NFE2L3: variants seen among roughly 807,000 people sequenced by gnomAD.
NFE2L3 encodes NFE2 like bZIP transcription factor 3.
A neutral mutation model predicts 23.5 loss-of-function variants in NFE2L3; 18 were observed. The ratio of observed to expected loss-of-function variants is 0.77; its 90% CI spans 0.53 to 1.13. The LOEUF is 1.13. NFE2L3 is among the 50% of genes most tolerant of loss of function. NFE2L3 has a pLI of 0.00. For missense variants in NFE2L3, 1,152 were observed against 877.2 expected (o/e 1.31, Z -3.96); for synonymous variants, 424 against 354.5 (o/e 1.20, Z -2.20).
Position 26,185,153 on chromosome 7 carries a change from C to T in NFE2L3, c.1455C>T (p.Phe485=). 6.2e-7 allele frequency: 1 copy of T among 1,613,842 alleles called. No individual in the cohort carries two copies. The highest frequency in any genetic ancestry group is 1.1e-5 in the South Asian group (1 of 91,060). Residue 485 remains phenylalanine (F), a synonymous_variant, in exon 4 of 4, where the codon TTC becomes TTT. Coordinates refer to ENST00000056233, the MANE Select transcript of NFE2L3 (RefSeq NM_004289.7). ...LCHLDQSDSD[F]HGDLTFQHVF... ...ACTTGGATCAAAGTGATTCTGATTT[C>T]CATGGAGATCTTACATTTCAACACG...
chr7:26,183,678 G>A (rs779515674), intron 2 of NFE2L3, 23 bp from the exon 3 acceptor site: 5 of 1,468,438 alleles, frequency 3.4e-6, no homozygotes, highest in Non-Finnish European at 3.8e-6. Flanking sequence ...TGTGAAAGAT[G>A]CACTTTTTGT....
intron 1 of NFE2L3, chr7:26,174,156 A>T (rs1224084850): frequency 6.6e-6 from 1 of 152,226 alleles, no homozygotes; most frequent in Non-Finnish European, 1.5e-5. Flanking sequence ...CAAGGGGATG[A>T]AGAATCAGCA....
intron 1 of NFE2L3, among the ~76,000 whole-genome samples, chr7:26,165,619 C>T (rs1429031864): frequency 6.6e-6 from 1 of 152,132 alleles, no homozygotes; most frequent in Admixed American, 6.5e-5. Context: ...TTCCTCTTTT[C>T]CTAATTGAAT....
intron 1 of NFE2L3, among the ~76,000 whole-genome samples, chr7:26,168,685 G>A (rs984552736): frequency 5.3e-4 from 80 of 151,870 alleles, no homozygotes; most frequent in Admixed American, 2.0e-4. Flanking sequence ...ATAAACATGC[G>A]TATGCAAGTA....
chr7:26,164,717 A>G (rs1282272575), intron 1 of NFE2L3, among the ~76,000 whole-genome samples: 2 of 152,234 alleles, frequency 1.3e-5, no homozygotes, highest in African/African-American at 2.4e-5. Flanking sequence ...TGTTTTAGAC[A>G]TGAAGTCCTT....
Position 26,169,529 on chromosome 7 carries a change from G to A in NFE2L3, c.571-8414G>A, listed in dbSNP as rs1583931386. On this transcript the variant is annotated intron_variant, in intron 1 of 3. Coordinates refer to ENST00000056233, the MANE Select transcript of NFE2L3 (RefSeq NM_004289.7). ...GGCTGCTGGAGGCTGGCTGCCCACA[G>A]GTATGTGGGAATAGCCACAAGTCCT... Among the ~76,000 whole-genome samples, 4 of 152,282 alleles carry A rather than the reference G, an allele frequency of 2.6e-5. 1 individual carries two copies. The highest frequency in any genetic ancestry group is 2.6e-4 in the Admixed American group (4 of 15,292).
chr7:26,155,070 C>T (rs1296263242), intron 1 of NFE2L3, among the ~76,000 whole-genome samples: 2 of 152,244 alleles, frequency 1.3e-5, no homozygotes, highest in African/African-American at 4.8e-5. Flanking sequence ...ACAGTTGTCA[C>T]GGCCAGTTCA....
rs1480937950 is a variant in NFE2L3 at position 26,158,423 on chromosome 7, C to G, written c.570+5355C>G. Among the ~76,000 whole-genome samples, 6 of 152,268 alleles carry G rather than the reference C, an allele frequency of 3.9e-5. No individual in the cohort carries two copies. The East Asian group carries it at 1.2e-3, about 29-fold the overall frequency. On this transcript the variant is annotated intron_variant, in intron 1 of 3. Coordinates refer to ENST00000056233, the MANE Select transcript of NFE2L3 (RefSeq NM_004289.7). ...GACACAGTTCAATCTATAACAATCA[C>G]CATCTTCCTTCCATCAATTCTTGGG...
chr7:26,158,457 C>T (rs910653925), intron 1 of NFE2L3, among the ~76,000 whole-genome samples: 1 of 152,140 alleles, frequency 6.6e-6, no homozygotes, highest in Non-Finnish European at 1.5e-5. Context: ...GGGTGTTCAG[C>T]TTGCTTATGA....
intron 2 of NFE2L3, among the ~76,000 whole-genome samples, chr7:26,178,543 G>A (rs561591472): frequency 1.3e-5 from 2 of 152,282 alleles, no homozygotes; most frequent in Admixed American, 1.3e-4. Flanking sequence ...GCTAAGGCTT[G>A]GGCTGAAATC....
At chr7:26,168,567 TAG>T (rs1001645275) in intron 1 of NFE2L3, among the ~76,000 whole-genome samples, 264 of 148,678 alleles carry the variant, frequency 1.8e-3, no homozygotes, top group African/African-American at 6.4e-3. Context: ...ATAATATATA[TAG>T]AGAGAGATTA....
chr7:26,185,211 A>C lies in NFE2L3; in HGVS notation c.1513A>C (p.Thr505Pro). ...FHNHTYHLQP[T>P]APESTSEPFP... is the part of the protein sequence containing the mutation. ...TAACCACACTTACCACTTACAGCCA[A>C]CTGCACCAGAATCTACTTCTGAACC... Residue 505 changes from threonine (T) to proline (P), a missense_variant, in exon 4 of 4, where the codon ACT (threonine) becomes CCT (proline). Thr to Pro is a conservative substitution (Grantham distance 38). Coordinates refer to ENST00000056233, the MANE Select transcript of NFE2L3 (RefSeq NM_004289.7). 22 of 1,613,968 alleles carry C rather than the reference A, an allele frequency of 1.4e-5. No individual in the cohort carries two copies. The highest frequency in any genetic ancestry group is 1.9e-5 in the Non-Finnish European group (22 of 1,179,902).
chr7:26,154,945 G>A (rs892999194), intron 1 of NFE2L3, among the ~76,000 whole-genome samples: 7 of 152,284 alleles, frequency 4.6e-5, no homozygotes, highest in Middle Eastern at 6.8e-3. Flanking sequence ...GAAGTTCCCC[G>A]AGAACCATTC....
At chr7:26,183,946 T>G (rs1782402024) in intron 3 of NFE2L3, 162 bp downstream of exon 3, 4 of 560,714 alleles carry the variant, frequency 7.1e-6, no homozygotes, top group East Asian at 6.0e-5. Flanking sequence ...ATAGCATTCC[T>G]CTTTCCAAAT....
At chr7:26,157,699 C>T (rs890882266) in intron 1 of NFE2L3, among the ~76,000 whole-genome samples, 3 of 152,108 alleles carry the variant, frequency 2.0e-5, no homozygotes, top group African/African-American at 2.4e-5. Context: ...TGTAAAGGTG[C>T]ACTATTGTCT....
intron 1 of NFE2L3, among the ~76,000 whole-genome samples, chr7:26,171,227 G>C (rs1205630396): frequency 1.3e-5 from 2 of 152,192 alleles, no homozygotes; most frequent in Non-Finnish European, 2.9e-5. Flanking sequence ...TACAAGAAAA[G>C]ATTAGAAACA....
chr7:26,168,244 T>G (rs1485816737), intron 1 of NFE2L3, among the ~76,000 whole-genome samples: 1 of 151,542 alleles, frequency 6.6e-6, no homozygotes, highest in Non-Finnish European at 1.5e-5. Flanking sequence ...TCAAGTGATT[T>G]TCCTGCCTCA....
At chr7:26,175,788 A>T (rs931017920) in intron 1 of NFE2L3, among the ~76,000 whole-genome samples, 1 of 151,692 alleles carries the variant, frequency 6.6e-6, no homozygotes, top group Non-Finnish European at 1.5e-5. Context: ...CAAAAAAAAA[A>T]AAAAAATAGT....
intron 1 of NFE2L3, chr7:26,173,594 C>T (rs1356809379): frequency 2.0e-5 from 3 of 152,158 alleles, no homozygotes; most frequent in African/African-American, 7.2e-5. Flanking sequence ...AAAACCTTAC[C>T]TTGGCAAAAG....
Sources: allele counts gnomAD v4.1 joint callset (sites outside exome capture counted in the v4.1 genomes callset), GRCh38; gene constraint gnomAD v4.1.1; transcripts MANE v1.5; gene names NCBI Gene and HGNC (gene_info 2026-07-23, HGNC 2026-07-21).